The following VWA8 variants were observed in gnomAD, a reference collection of about 807,000 sequenced individuals.
The protein encoded by VWA8 is von Willebrand factor A domain containing 8, also known as von Willebrand factor A domain-containing protein 8.
In VWA8, 221 loss-of-function variants were observed where a neutral mutation model predicts 241.5. That is an observed-to-expected ratio of 0.91 (90% CI 0.82 to 1.02). The LOEUF is 1.02. VWA8 is among the 50% of genes least tolerant of loss of function. The pLI is 0.00. For missense variants in VWA8, 2,322 were observed against 2,328.7 expected (o/e 1.00, Z 0.06); for synonymous variants, 852 against 827.1 (o/e 1.03, Z -0.52).
In VWA8 at chr13:41,615,049, G is replaced by A. The variant is rs182669831; in HGVS notation, c.4647C>T (p.Ser1549=). 6.2e-7 allele frequency: 1 copy of A among 1,613,906 alleles called. No homozygotes were observed. Among genetic ancestry groups the A allele is most frequent in the Admixed American group, 1.7e-5 (1 of 60,004 alleles). ...GGTCCTCCTTCCCGTGTTTGGGGGA[G>A]CTTACATCTTCACCACTGTCTCTGT... is the stretch of plus-strand genomic sequence containing the variant. ...TINRDSGEDV[S]SPKHGKEDPD... Residue 1549 remains serine (S), a synonymous_variant, in exon 38 of 45, where the codon AGC becomes AGT. Transcript: ENST00000379310.
intron 40 of VWA8, among the ~76,000 whole-genome samples, chr13:41,593,175 A>T (rs2044467473): frequency 6.6e-6 from 1 of 152,190 alleles, no homozygotes; most frequent in South Asian, 2.1e-4. Flanking sequence ...GTATTACAGT[A>T]TGTATTGTTT....
intron 4 of VWA8, among the ~76,000 whole-genome samples, chr13:41,893,978 AAAG>A (rs1874977844): frequency 6.6e-6 from 1 of 152,248 alleles, no homozygotes; most frequent in African/African-American, 2.4e-5. Context: ...TCAGAACAAA[AAAG>A]AAATTAATTG....
At chr13:41,921,017 C>T (rs1451603946) in intron 2 of VWA8, among the ~76,000 whole-genome samples, 1 of 152,192 alleles carries the variant, frequency 6.6e-6, no homozygotes, top group Non-Finnish European at 1.5e-5. Context: ...CCCTGATGAA[C>T]ATCGATGCAA....
At chr13:41,617,023 A>AAAAAC (rs1265182648) in intron 37 of VWA8, among the ~76,000 whole-genome samples, 2 of 152,202 alleles carry the variant, frequency 1.3e-5, no homozygotes, top group African/African-American at 2.4e-5. Flanking sequence ...CAGCACTGCG[A>AAAAAC]AAAACAAAAC....
chr13:41,719,706 T>C lies in VWA8; in HGVS notation c.3001A>G (p.Asn1001Asp). The C allele has an allele frequency of 6.2e-7, 1 of 1,613,018 alleles. No individual in the cohort carries two copies. Among genetic ancestry groups the C allele is most frequent in the Non-Finnish European group, 8.5e-7 (1 of 1,179,394 alleles). The change falls in exon 26 of 45, where the codon AAT (asparagine) becomes GAT (aspartate). Residue 1001 changes from asparagine (N) to aspartate (D), a missense_variant. Asn to Asp is a conservative substitution (Grantham distance 23). Transcript: ENST00000379310. Reference protein sequence around the residue: ...PTEGLSSVVRNVFDFDSYNND... With the variant: ...PTEGLSSVVRDVFDFDSYNND... The stretch of plus-strand genomic sequence containing the variant: ...TTGTAGGAATCAAAGTCAAACACAT[T>C]TCGAACTACACTGGAGAGACCTTCA...
chr13:41,778,032 G>C lies in VWA8; in HGVS notation c.2302C>G (p.Leu768Val). ...IQHVIVMEDM[L>V]KDFLLGEHLL... ...TGTTCTCCAAGGAGAAAGTCTTTCA[G>C]CATATCTTCCATCACTATCACATGC... Residue 768 changes from leucine to valine, a missense_variant, in exon 20 of 45, where the codon CTG (leucine) becomes GTG (valine). By Grantham distance (32) the Leu-to-Val change is conservative. Coordinates refer to ENST00000379310, the MANE Select transcript of VWA8 (RefSeq NM_015058.2). 1 of 1,611,810 alleles carries C rather than the reference G, an allele frequency of 6.2e-7. No homozygotes were observed. Among genetic ancestry groups the C allele is most frequent in the African/African-American group, 1.3e-5 (1 of 74,922 alleles).
intron 12 of VWA8, among the ~76,000 whole-genome samples, chr13:41,864,989 C>CAAA (rs35515775): frequency 2.0e-4 from 15 of 75,046 alleles, no homozygotes; most frequent in African/African-American, 5.2e-4. Flanking sequence ...AACTCCATCT[C>CAAA]AAAAAAAAAA....
Position 41,699,215 on chromosome 13 carries a change from A to G in VWA8, c.3420T>C (p.Phe1140=). Residue 1140 remains phenylalanine (F), a synonymous_variant, in exon 29 of 45, where the codon TTT becomes TTC. Coordinates refer to ENST00000379310, the MANE Select transcript of VWA8 (RefSeq NM_015058.2). The part of the protein sequence containing the change: ...VVTCNPASLY[F]MNMTGKSGFF... ...AGCCACTTTTCCCAGTCATATTCAT[A>G]AAGTACAGGGAAGCGGGATTGCATG... The G allele has an allele frequency of 6.2e-7, 1 of 1,614,210 alleles. No homozygotes were observed. The highest frequency in any genetic ancestry group is 8.5e-7 in the Non-Finnish European group (1 of 1,180,026).
At chr13:41,634,043 G>A (rs1186389904) in intron 37 of VWA8, among the ~76,000 whole-genome samples, 2 of 152,150 alleles carry the variant, frequency 1.3e-5, no homozygotes, top group African/African-American at 4.8e-5. Context: ...GGGAGGTTGA[G>A]GGCTTTAGGC....
chr13:41,701,351 C>A, intron 28 of VWA8, 41 bp downstream of exon 28: 1 of 1,482,154 alleles, frequency 6.7e-7, no homozygotes, highest in South Asian at 1.5e-5. Context: ...TTTAAAAAAA[C>A]ATGTGCAGGA....
intron 2 of VWA8, among the ~76,000 whole-genome samples, chr13:41,919,939 T>C (rs1166220279): frequency 1.3e-5 from 2 of 152,136 alleles, no homozygotes; most frequent in East Asian, 1.9e-4. Context: ...GCCTCTGCCC[T>C]ACAGGTCAAA....
chr13:41,792,336 T>G (rs1343879949), intron 17 of VWA8, among the ~76,000 whole-genome samples: 1 of 151,920 alleles, frequency 6.6e-6, no homozygotes, highest in Non-Finnish European at 1.5e-5. Context: ...ACCTTTTGTG[T>G]GGGATAAATT....
At chr13:41,783,551 T>A (rs754101130) in intron 19 of VWA8, among the ~76,000 whole-genome samples, 2 of 150,816 alleles carry the variant, frequency 1.3e-5, no homozygotes, top group Non-Finnish European at 2.9e-5. Context: ...GGTAGAAGAA[T>A]CGCTTGAACC....
intron 12 of VWA8, among the ~76,000 whole-genome samples, chr13:41,841,461 T>C (rs1593809148): frequency 6.6e-6 from 1 of 152,238 alleles, no homozygotes; most frequent in East Asian, 1.9e-4. Flanking sequence ...TCTAAGTAGA[T>C]ATGATTCTTC....
chr13:41,836,274 C>T (rs1871724980), intron 12 of VWA8, among the ~76,000 whole-genome samples: 1 of 151,972 alleles, frequency 6.6e-6, no homozygotes, highest in African/African-American at 2.4e-5. Flanking sequence ...TTAAGCATTC[C>T]TATTGGAATT....
intron 2 of VWA8, among the ~76,000 whole-genome samples, chr13:41,931,996 A>G (rs1051443904): frequency 6.6e-6 from 1 of 152,158 alleles, no homozygotes; most frequent in Non-Finnish European, 1.5e-5. Flanking sequence ...CAAAAACACA[A>G]AGAAAAATGA....
chr13:41,571,310 C>CTCCCTCTCCCGT (rs1246060181), intron 43 of VWA8, among the ~76,000 whole-genome samples: 1 of 107,498 alleles, frequency 9.3e-6, no homozygotes, highest in African/African-American at 3.8e-5. Context: ...CCCTCTCCCT[C>CTCCCTCTCCCGT]CTCCCTCTCC....
chr13:41,576,901 C>T (rs931799712), intron 42 of VWA8, among the ~76,000 whole-genome samples: 1 of 152,218 alleles, frequency 6.6e-6, no homozygotes, highest in Non-Finnish European at 1.5e-5. Flanking sequence ...CTCTGGCCCA[C>T]CCCATGAGGT....
Position 41,703,323 on chromosome 13 carries a change from T to C in VWA8, c.3205A>G (p.Thr1069Ala), listed in dbSNP as rs201540448. 89 of 1,613,802 alleles carry C rather than the reference T, an allele frequency of 5.5e-5. No individual in the cohort carries two copies. The highest frequency in any genetic ancestry group is 7.0e-5 in the Non-Finnish European group (83 of 1,179,878). ...TCAACCTTTATGTCTATATGATGAG[T>C]TTCCACTGGACACAAGAGTTTTTGC... ...GMQKLLCPVE[T>A]HHIDIKGPAL... Residue 1069 changes from threonine (T) to alanine (A), a missense_variant, in exon 27 of 45, where the codon ACT (threonine) becomes GCT (alanine). By Grantham distance (58) the Thr-to-Ala change is moderately conservative (BLOSUM62 0). Coordinates refer to ENST00000379310, the MANE Select transcript of VWA8 (RefSeq NM_015058.2).
Sources: allele counts gnomAD v4.1 joint callset (sites outside exome capture counted in the v4.1 genomes callset), GRCh38; gene constraint gnomAD v4.1.1; transcripts MANE v1.5; gene names NCBI Gene and HGNC (gene_info 2026-07-23, HGNC 2026-07-21).